AEBP2: variants seen among roughly 807,000 people sequenced by gnomAD.
AEBP2 encodes AE binding protein 2.
A neutral mutation model predicts 50.8 loss-of-function variants in AEBP2; 10 were observed. That is an observed-to-expected ratio of 0.20 (90% CI 0.12 to 0.33). The LOEUF (loss-of-function observed/expected upper bound fraction) is 0.33. AEBP2 is among the 10% of genes least tolerant of loss of function. AEBP2 has a pLI of 1.00. For synonymous variants in AEBP2, 296 were observed against 261.3 expected (o/e 1.13, Z -1.28); for missense variants, 570 against 688.0 (o/e 0.83, Z 1.92).
chr12:19,456,314 T>G, intron 1 of AEBP2: 2 of 1,471,700 alleles, frequency 1.4e-6, no homozygotes, highest in Non-Finnish European at 1.9e-6. Flanking sequence ...TCTTGTTCAC[T>G]GCTTTGATGA....
At chr12:19,487,644 G>A (rs555225096) in intron 3 of AEBP2, among the ~76,000 whole-genome samples, 9 of 152,138 alleles carry the variant, frequency 5.9e-5, no homozygotes, top group South Asian at 4.2e-4. Context: ...CTTGAAGCTG[G>A]GAGGCAGAGG....
chr12:19,476,584 C>T (rs1441539995), intron 3 of AEBP2, among the ~76,000 whole-genome samples: 4 of 152,160 alleles, frequency 2.6e-5, no homozygotes, highest in East Asian at 1.9e-4. Context: ...TCAAGTGATC[C>T]GCCCGCCTTA....
At chr12:19,474,473 CTCTT>C (rs1565720900) in intron 3 of AEBP2, among the ~76,000 whole-genome samples, 1 of 152,144 alleles carries the variant, frequency 6.6e-6, no homozygotes, top group African/African-American at 2.4e-5. Context: ...ATTTGTCTCT[CTCTT>C]TTTCCTGTTT....
At position 19,427,914 on chromosome 12, in the gene AEBP2, T is replaced by C. The variant is rs186544625; in HGVS notation, c.-17+23698T>C. Among the ~76,000 whole-genome samples, 580 of 152,262 alleles carry C rather than the reference T, an allele frequency of 3.8e-3. 1 individual carries two copies. Among genetic ancestry groups the C allele is most frequent in the Admixed American group, 6.9e-3 (106 of 15,282 alleles). On this transcript the variant is annotated intron_variant, in intron 1 of 3. Transcript: ENST00000538425. Reference sequence around the variant, plus strand: ...ACCTGCACTAATTAGGATTTTTTTTTTCTTTTTTCTGAGACGAAGTTTCTC... The same window carrying C: ...ACCTGCACTAATTAGGATTTTTTTTCTCTTTTTTCTGAGACGAAGTTTCTC...
intron 2 of AEBP2, among the ~76,000 whole-genome samples, chr12:19,467,568 A>T (rs1171507652): frequency 1.3e-5 from 2 of 152,304 alleles, no homozygotes; most frequent in Non-Finnish European, 2.9e-5. Flanking sequence ...TGCTGGGATT[A>T]CAGGCCTGAG....
intron 1 of AEBP2, among the ~76,000 whole-genome samples, chr12:19,426,536 G>A (rs1204465024): frequency 5.9e-5 from 9 of 152,168 alleles, no homozygotes; most frequent in South Asian, 4.1e-4. Flanking sequence ...GCCATGTACC[G>A]AAGAAGAGAG....
chr12:19,476,582 T>G (rs1948652086), intron 3 of AEBP2, among the ~76,000 whole-genome samples: 1 of 152,188 alleles, frequency 6.6e-6, no homozygotes, highest in Non-Finnish European at 1.5e-5. Context: ...CCTCAAGTGA[T>G]CCGCCCGCCT....
chr12:19,432,530 C>CA (rs1033807802), intron 1 of AEBP2, among the ~76,000 whole-genome samples: 2 of 151,870 alleles, frequency 1.3e-5, no homozygotes, highest in African/African-American at 4.8e-5. Flanking sequence ...CCCATCTCTA[C>CA]AAAAAATGCA....
chr12:19,496,503 C>A (rs1378874257), intron 4 of AEBP2, among the ~76,000 whole-genome samples: 1 of 152,148 alleles, frequency 6.6e-6, no homozygotes, highest in Non-Finnish European at 1.5e-5. Flanking sequence ...TTCACTCTTT[C>A]TTTAAAAGCA....
rs781625291 is a variant in AEBP2, at chr12:19,494,631, C to T, written c.1174+645C>T. Among the ~76,000 whole-genome samples the T allele has an allele frequency of 4.6e-5, 7 of 151,258 alleles. No homozygotes were observed. The East Asian group carries it at 5.9e-4, about 13-fold the overall frequency. On this transcript the variant is annotated intron_variant, in intron 4 of 7. Coordinates refer to ENST00000266508, the MANE Select transcript of AEBP2 (RefSeq NM_153207.5). ...CCCGACCTCAGGTGATTGCCTGTCT[C>T]GGCCTCCCAAAATGCTGGGATTACA...
intron 1 of AEBP2, among the ~76,000 whole-genome samples, chr12:19,424,682 C>T (rs980845771): frequency 6.6e-6 from 1 of 151,926 alleles, no homozygotes; most frequent in Non-Finnish European, 1.5e-5. Context: ...AGGCGTGAGC[C>T]ACCGCGCCCG....
At chr12:19,435,280 A>ATT (rs35017794), upstream of AEBP2, among the ~76,000 whole-genome samples, 431 of 142,836 alleles carry the variant, frequency 3.0e-3, no homozygotes, top group African/African-American at 3.3e-3. Context: ...TGACTGGCTA[A>ATT]TTTTTTTTTT....
At chr12:19,433,711 G>A (rs1351256207) in intron 1 of AEBP2, among the ~76,000 whole-genome samples, 1 of 151,822 alleles carries the variant, frequency 6.6e-6, no homozygotes, top group African/African-American at 2.4e-5. Context: ...ACCGTGGGTG[G>A]AAAGGGGTGG....
intron 3 of AEBP2, among the ~76,000 whole-genome samples, chr12:19,474,490 C>G (rs1948618819): frequency 6.6e-6 from 1 of 152,042 alleles, no homozygotes; most frequent in Non-Finnish European, 1.5e-5. Context: ...TCCTGTTTCC[C>G]CCCTTCCTCC....
chr12:19,515,622 C>G (rs1290792638), intron 7 of AEBP2, among the ~76,000 whole-genome samples: 1 of 152,108 alleles, frequency 6.6e-6, no homozygotes, highest in African/African-American at 2.4e-5. Flanking sequence ...TAAATTTTAG[C>G]TATCATAAAG....
chr12:19,440,577 C>T (rs978598310), intron 1 of AEBP2: 87 of 1,442,288 alleles, frequency 6.0e-5, no homozygotes, highest in Non-Finnish European at 7.7e-5. Flanking sequence ...AACCGTTCCC[C>T]CCCAACTCTC....
chr12:19,468,359 C>G (rs1195087859), intron 2 of AEBP2, among the ~76,000 whole-genome samples: 1 of 152,072 alleles, frequency 6.6e-6, no homozygotes, highest in Non-Finnish European at 1.5e-5. Flanking sequence ...AAAACAAGAT[C>G]ATTTACTCAG....
chr12:19,522,199 T>C lies in AEBP2; in HGVS notation c.*4082T>C, dbSNP rs977575152. ...GAAAATTTCCTGTGTACGTAGTTTG[T>C]TTTTAAATTAAAGAATCTTGTGACC... On this transcript the variant is annotated 3_prime_UTR_variant, in exon 8 of 8. Transcript: ENST00000266508. 4.6e-5 allele frequency: 7 copies of C among 152,158 alleles called. No individual in the cohort carries two copies. The highest frequency in any genetic ancestry group is 1.7e-4 in the African/African-American group (7 of 41,446). 9.4% of individuals were successfully genotyped at this position (152,158 alleles called of 1,614,324 possible). A position where few individuals can be genotyped will look rare whatever the true frequency, so the allele number is the denominator to read the frequency against.
At chr12:19,477,921 G>C (rs951776089) in intron 3 of AEBP2, among the ~76,000 whole-genome samples, 1 of 152,018 alleles carries the variant, frequency 6.6e-6, no homozygotes, top group African/African-American at 2.4e-5. Context: ...CAGAAGGGTC[G>C]TGTATTTCCC....
Sources: gnomAD v4.1 joint callset for allele counts (sites outside exome capture counted in the v4.1 genomes callset) on GRCh38, gnomAD v4.1.1 for gene constraint, MANE v1.5 for transcripts, NCBI Gene and HGNC (gene_info 2026-07-23, HGNC 2026-07-21) for gene names.